Variants in TIAM1 observed in about 807,000 individuals in gnomAD.
TIAM1 encodes TIAM Rac1 associated GEF 1, also known as rho guanine nucleotide exchange factor TIAM1.
A neutral mutation model predicts 163.5 loss-of-function variants in TIAM1; 65 were observed. The ratio of observed to expected loss-of-function variants is 0.40; its 90% CI spans 0.33 to 0.49. TIAM1 has a LOEUF of 0.49. Ranked by LOEUF, TIAM1 falls within the 20% of genes least tolerant of loss-of-function variation. The probability of loss-of-function intolerance (pLI) is 0.77; values close to 1 mark genes in which losing one functional copy is unlikely to be tolerated. For missense variants in TIAM1, 1,789 were observed against 2,044.7 expected (o/e 0.87, Z 2.41); for synonymous variants, 833 against 810.1 (o/e 1.03, Z -0.48).
At chr21:31,453,303 A>G (rs978379221) in intron 2 of TIAM1, 1 of 190,930 alleles carries the variant, frequency 5.2e-6, no homozygotes, top group Non-Finnish European at 1.1e-5. Context: ...GAAAATTGCC[A>G]TGTTGGAACT....
intron 9 of TIAM1, 74 bp downstream of exon 9, chr21:31,217,479 C>T: frequency 1.8e-5 from 28 of 1,551,732 alleles, no homozygotes; most frequent in Non-Finnish European, 2.4e-5. Flanking sequence ...ACTGAAGAAA[C>T]ACACACACCC....
chr21:31,485,354 T>C (rs2046238072), intron 1 of TIAM1, among the ~76,000 whole-genome samples: 1 of 152,148 alleles, frequency 6.6e-6, no homozygotes, highest in Admixed American at 6.5e-5. Context: ...AAAATAACTC[T>C]GACCCCAAGA....
chr21:31,225,287 C>T (rs576347769), intron 7 of TIAM1, among the ~76,000 whole-genome samples: 6 of 152,134 alleles, frequency 3.9e-5, no homozygotes, highest in Non-Finnish European at 5.9e-5. Flanking sequence ...AGGCATGAGC[C>T]GCCACACCTG....
chr21:31,346,587 G>C (rs1349970342), upstream of TIAM1, among the ~76,000 whole-genome samples: 3 of 152,200 alleles, frequency 2.0e-5, no homozygotes, highest in Non-Finnish European at 4.4e-5. Flanking sequence ...AGCCGACATG[G>C]TGTGCAGCGA....
intron 1 of TIAM1, among the ~76,000 whole-genome samples, chr21:31,479,163 T>C (rs1053296975): frequency 6.6e-5 from 10 of 152,218 alleles, no homozygotes; most frequent in Admixed American, 3.3e-4. Context: ...ACTCAAGAAT[T>C]GCTAAACCAT....
intron 18 of TIAM1, 43 bp downstream of exon 18, chr21:31,153,023 C>T (rs754176393): frequency 1.2e-5 from 19 of 1,576,860 alleles, no homozygotes; most frequent in East Asian, 2.2e-5. Context: ...ACAAGTCAAA[C>T]CACGGTATGA....
chr21:31,145,144 C>G (rs991206950), intron 20 of TIAM1, among the ~76,000 whole-genome samples: 1 of 152,150 alleles, frequency 6.6e-6, no homozygotes, highest in African/African-American at 2.4e-5. Context: ...ACACAGCACA[C>G]GGGAAAGGTC....
chr21:31,424,922 G>A (rs1199325902), intron 2 of TIAM1, among the ~76,000 whole-genome samples: 1 of 151,862 alleles, frequency 6.6e-6, no homozygotes, highest in Non-Finnish European at 1.5e-5. Context: ...GTGTGGTGGT[G>A]CAGGCCTGTA....
At chr21:31,527,099 G>T (rs1364330746) in intron 1 of TIAM1, among the ~76,000 whole-genome samples, 1 of 152,132 alleles carries the variant, frequency 6.6e-6, no homozygotes, top group African/African-American at 2.4e-5. Flanking sequence ...GAGAAACTGG[G>T]CTCCAACACA....
chr21:31,548,520 G>A (rs1179239112), intron 1 of TIAM1, among the ~76,000 whole-genome samples: 8 of 146,576 alleles, frequency 5.5e-5, no homozygotes, highest in East Asian at 2.0e-4. Context: ...CGAGAGCCTC[G>A]TTCTGTCACT....
intron 2 of TIAM1, among the ~76,000 whole-genome samples, chr21:31,297,724 A>G (rs2074339873): frequency 1.3e-5 from 2 of 152,150 alleles, no homozygotes; most frequent in Admixed American, 1.3e-4. Context: ...TTCACCTGAA[A>G]ACAGTTACAA....
At chr21:31,137,802 G>A (rs2082682761) in intron 22 of TIAM1, among the ~76,000 whole-genome samples, 1 of 151,110 alleles carries the variant, frequency 6.6e-6, no homozygotes, top group African/African-American at 2.4e-5. Context: ...CTGGAAGGAA[G>A]AGACAAGGAG....
At chr21:31,360,442 A>G (rs1220184118) in intron 2 of TIAM1, among the ~76,000 whole-genome samples, 1 of 152,140 alleles carries the variant, frequency 6.6e-6, no homozygotes, top group African/African-American at 2.4e-5. Context: ...GGAAGGCTTC[A>G]AAGTACTAAT....
At chr21:31,403,608 T>C (rs1047120211) in intron 2 of TIAM1, among the ~76,000 whole-genome samples, 10 of 152,114 alleles carry the variant, frequency 6.6e-5, no homozygotes, top group Non-Finnish European at 4.4e-5. Flanking sequence ...AGCTCAAAAT[T>C]ATAAAATAAT....
chr21:31,366,435 T>C (rs769074201), intron 2 of TIAM1, among the ~76,000 whole-genome samples: 8 of 152,218 alleles, frequency 5.3e-5, no homozygotes, highest in Non-Finnish European at 8.8e-5. Flanking sequence ...AGTTTGGGAA[T>C]TGATGGGCAA....
chr21:31,487,203 G>A (rs1295495749), intron 1 of TIAM1, among the ~76,000 whole-genome samples: 1 of 152,120 alleles, frequency 6.6e-6, no homozygotes, highest in Non-Finnish European at 1.5e-5. Context: ...TCTGAAAACA[G>A]CTGGAGGTGG....
In TIAM1 at chr21:31,245,654, G is replaced by A. The variant is rs150133723; in HGVS notation, c.1418C>T (p.Thr473Met). The change falls in exon 6 of 28, where the codon ACG (threonine) becomes ATG (methionine). Residue 473 changes from threonine to methionine, a missense_variant. Thr to Met is a moderately conservative substitution (Grantham distance 81). Around this residue, in one of 5 missense-constraint regions of TIAM1, gnomAD observed 456 missense variants for 586.6 expected, o/e 0.78. Transcript: ENST00000541036. ...GCCGTCGCTCTCGTAGAAAAATAGC[G>A]TGCATCCTGAGGAAACAGAACAGGG... ...KHYWVSLKGC[T>M]LFFYESDGRS... 147 of 1,574,524 alleles carry A rather than the reference G, an allele frequency of 9.3e-5. 2 individuals are homozygous for A. In the African/African-American group the frequency reaches 1.4e-3, roughly 15 times the overall value.
At chr21:31,445,365 T>G (rs1324682821) in intron 2 of TIAM1, among the ~76,000 whole-genome samples, 2 of 152,182 alleles carry the variant, frequency 1.3e-5, no homozygotes, top group African/African-American at 2.4e-5. Flanking sequence ...AGAATGTTCT[T>G]TAACCACAGT....
At chr21:31,352,046 C>CA in intron 2 of TIAM1, among the ~76,000 whole-genome samples, 1 of 148,746 alleles carries the variant, frequency 6.7e-6, no homozygotes, top group South Asian at 2.1e-4. Context: ...CCAACCTAGG[C>CA]AACAGAGCAA....
Sources: gnomAD v4.1 joint callset for allele counts (sites outside exome capture counted in the v4.1 genomes callset) on GRCh38, gnomAD v4.1.1 for gene constraint, gnomAD v4.1.1 regional missense constraint, MANE v1.5 for transcripts, NCBI Gene and HGNC (gene_info 2026-07-23, HGNC 2026-07-21) for gene names.